ABTB1: variants seen among roughly 807,000 people sequenced by gnomAD.
ABTB1 encodes ankyrin repeat and BTB domain containing 1, also known as ankyrin repeat and BTB/POZ domain-containing protein 1.
In ABTB1, 45 loss-of-function variants were observed where a neutral mutation model predicts 57.1. The observed-to-expected ratio is 0.79, with a 90% CI of 0.62 to 1.01. ABTB1 has a LOEUF of 1.01. Ranked by LOEUF, ABTB1 falls within the 50% of genes least tolerant of loss-of-function variation. The probability of loss-of-function intolerance (pLI) is 0.00; values close to 1 mark genes in which losing one functional copy is unlikely to be tolerated. For missense variants in ABTB1, 630 were observed against 666.3 expected, an observed-to-expected ratio of 0.95 and a Z score of 0.60; for synonymous variants, 302 against 275.4, an observed-to-expected ratio of 1.10 and a Z score of -0.95.
Position 127,674,550 on chromosome 3 carries a change from A to G in ABTB1, c.125A>G (p.Tyr42Cys). The change falls in exon 3 of 12, where the codon TAT becomes TGT. Residue 42 changes from tyrosine (Y) to cysteine (C), a missense_variant. Around this residue, in one of 3 missense-constraint regions of ABTB1, gnomAD observed 579 missense variants for 585.9 expected, o/e 0.99. Transcript: ENST00000232744. Reference protein sequence around the residue: ...RDKWDSTPLYYACLCGHEELV... With the variant: ...RDKWDSTPLYCACLCGHEELV... ...TACTTCCTTCCTCCCTTCAGGTACT[A>G]TGCCTGCTTGTGTGGGCACGAGGAG... 2 of 1,614,064 alleles carry G rather than the reference A, an allele frequency of 1.2e-6. No individual in the cohort carries two copies. Among genetic ancestry groups the G allele is most frequent in the Non-Finnish European group, 1.7e-6 (2 of 1,180,000 alleles).
At position 127,680,346 on chromosome 3, in the gene ABTB1, T is replaced by G. The variant is rs1166412416; in HGVS notation, c.1308T>G (p.Ser436=). Residue 436 remains serine (S), a synonymous_variant, in exon 12 of 12, where the codon TCT becomes TCG. Transcript: ENST00000232744. ...AAVAARQETD[S]IPLVDDIRFH... ...TGGCAGCCCGGCAGGAGACGGACTC[T>G]ATCCCGCTGGTGGACGACATCCGCT... 9 of 1,609,714 alleles carry G rather than the reference T, an allele frequency of 5.6e-6. No homozygotes were observed. The highest frequency in any genetic ancestry group is 7.6e-6 in the Non-Finnish European group (9 of 1,178,426).
chr3:127,674,656 T>C (rs1299393776), intron 3 of ABTB1, 56 bp downstream of exon 3: 2 of 1,594,178 alleles, frequency 1.3e-6, no homozygotes, highest in Admixed American at 1.7e-5. Context: ...TGTGTGCGTG[T>C]GGGTGCATGC....
At chr3:127,675,733 T>TCG in intron 3 of ABTB1, 1 of 580,402 alleles carries the variant, frequency 1.7e-6, no homozygotes. Context: ...CTCTCCGTTC[T>TCG]GTGTTGTCTG....
intron 3 of ABTB1, among the ~76,000 whole-genome samples, 183 bp downstream of exon 3, chr3:127,674,783 C>G (rs543000507): frequency 6.6e-6 from 1 of 152,246 alleles, no homozygotes; most frequent in Non-Finnish European, 1.5e-5. Flanking sequence ...TTTTCTCTGT[C>G]CACCTTGCCC....
chr3:127,680,611 C>T lies in ABTB1; in HGVS notation c.*136C>T. ...GGGTGCGAGGGGCTCAGTGGGGCTT[C>T]TCTTCCCTCCATGAGCCTGGAGACC... On this transcript the variant is annotated 3_prime_UTR_variant, in exon 12 of 12. Coordinates refer to ENST00000232744, the MANE Select transcript of ABTB1 (RefSeq NM_172027.3). 1.8e-6 allele frequency: 2 copies of T among 1,097,718 alleles called. No individual in the cohort carries two copies. Among genetic ancestry groups the T allele is most frequent in the Non-Finnish European group, 2.7e-6 (2 of 729,540 alleles). 68.0% of individuals were successfully genotyped at this position (1,097,718 alleles called of 1,614,324 possible).
At position 127,677,811 on chromosome 3, in the gene ABTB1, G is replaced by C; in HGVS notation, c.997G>C (p.Val333Leu). ...CATCTCACCCGACGTCTTCACTCAC[G>C]TGCTCTACTACATGTACAGCGACCA... is the stretch of plus-strand genomic sequence containing the variant. ...HGISPDVFTH[V>L]LYYMYSDHTE... Residue 333 changes from valine to leucine, a missense_variant, in exon 10 of 12, where the codon GTG (valine) becomes CTG (leucine). Val to Leu is a conservative substitution (Grantham distance 32). Transcript: ENST00000232744. The C allele has an allele frequency of 1.2e-6, 2 of 1,612,568 alleles. No individual in the cohort carries two copies. The highest frequency in any genetic ancestry group is 1.3e-5 in the African/African-American group (1 of 75,024).
intron 10 of ABTB1, chr3:127,679,113 G>A (rs537154140): frequency 3.7e-5 from 6 of 164,340 alleles, no homozygotes; most frequent in Middle Eastern, 2.9e-3. Context: ...AAGGAGCCTC[G>A]CCACCCAAAG....
intron 3 of ABTB1, 138 bp downstream of exon 3, chr3:127,674,738 G>T (rs2074938246): frequency 9.7e-7 from 1 of 1,034,652 alleles, no homozygotes; most frequent in Non-Finnish European, 1.5e-6. Context: ...CCACCCAGTC[G>T]AATCAGCAAG....
Position 127,676,361 on chromosome 3 carries a change from G to T in ABTB1, c.410G>T (p.Ser137Ile). ...CATCGCTGCGTCCTGGGTGCACGTA[G>T]TGCCTACTTTGCCAACATGCTGGAC... The part of the protein sequence containing the change: ...RVHRCVLGAR[S>I]AYFANMLDTK... Residue 137 changes from serine (S) to isoleucine (I), a missense_variant, in exon 5 of 12, where the codon AGT becomes ATT. Physicochemically the swap from Ser to Ile is moderately radical, Grantham distance 142. Coordinates refer to ENST00000232744, the MANE Select transcript of ABTB1 (RefSeq NM_172027.3). This position sits in a 1 kb window ranked among gnomAD's most constrained non-coding sequence, Gnocchi z 5.4. The T allele has an allele frequency of 6.2e-7, 1 of 1,614,192 alleles. No individual in the cohort carries two copies. Among genetic ancestry groups the T allele is most frequent in the South Asian group, 1.1e-5 (1 of 91,090 alleles).
In ABTB1 at chr3:127,680,612, T is replaced by C; in HGVS notation, c.*137T>C. 1 of 1,095,608 alleles carries C rather than the reference T, an allele frequency of 9.1e-7. No individual in the cohort carries two copies. Among genetic ancestry groups the C allele is most frequent in the Non-Finnish European group, 1.4e-6 (1 of 727,610 alleles). The allele number at this position is 1,095,608 out of a possible 1,614,324, so 67.9% of individuals were successfully genotyped here. A position where few individuals can be genotyped will look rare whatever the true frequency, so the allele number is the denominator to read the frequency against. On this transcript the variant is annotated 3_prime_UTR_variant, in exon 12 of 12. Transcript: ENST00000232744. ...GGTGCGAGGGGCTCAGTGGGGCTTCTCTTCCCTCCATGAGCCTGGAGACCC... is the reference window on the plus strand; with the variant it reads ...GGTGCGAGGGGCTCAGTGGGGCTTCCCTTCCCTCCATGAGCCTGGAGACCC...
chr3:127,676,459 C>CATG lies in ABTB1; in HGVS notation c.480+30_480+32dup, dbSNP rs2074986352. 2 of 1,613,868 alleles carry CATG rather than the reference C, an allele frequency of 1.2e-6. No homozygotes were observed. Among genetic ancestry groups the CATG allele is most frequent in the Non-Finnish European group, 1.7e-6 (2 of 1,179,940 alleles). On this transcript the variant is annotated intron_variant, in intron 5 of 11. Coordinates refer to ENST00000232744, the MANE Select transcript of ABTB1 (RefSeq NM_172027.3). The surrounding 1 kb of genome is among the most constrained non-coding windows in gnomAD (Gnocchi z 5.4). The stretch of plus-strand genomic sequence containing the variant: ...ATGTCCCTTCAGGGTGGCAGAGGGG[C>CATG]ATGAACTGTCCAGGAACAGCAGGAG...
At chr3:127,674,687 G>A in intron 3 of ABTB1, 87 bp downstream of exon 3, 2 of 1,493,082 alleles carry the variant, frequency 1.3e-6, no homozygotes, top group East Asian at 2.3e-5. Flanking sequence ...GCATTCAAAG[G>A]CCTTGATACA....
At position 127,677,451 on chromosome 3, in the gene ABTB1, C is replaced by A; in HGVS notation, c.763-14C>A. On this transcript the variant is annotated splice_polypyrimidine_tract_variant and intron_variant, in intron 8 of 11. Coordinates refer to ENST00000232744, the MANE Select transcript of ABTB1 (RefSeq NM_172027.3). ...AACAACTGCTCTGATGGGGTCACCT[C>A]TTCTGTACCCCAGGGTGATCTTTGG... The A allele has an allele frequency of 3.1e-6, 5 of 1,613,574 alleles. No homozygotes were observed. Among genetic ancestry groups the A allele is most frequent in the Non-Finnish European group, 4.2e-6 (5 of 1,179,556 alleles).
At chr3:127,678,638 C>T (rs1403769730) in intron 10 of ABTB1, 1 of 152,276 alleles carries the variant, frequency 6.6e-6, no homozygotes, top group African/African-American at 2.4e-5. Context: ...CTTGCACAAA[C>T]AGGCTGGATT....
rs755880704 is a variant in ABTB1, at chr3:127,680,087, G to T, written c.1132G>T (p.Glu378Ter). 6.2e-7 allele frequency: 1 copy of T among 1,613,786 alleles called. No individual in the cohort carries two copies. The highest frequency in any genetic ancestry group is 8.5e-7 in the Non-Finnish European group (1 of 1,180,042). The change falls in exon 11 of 12, where the codon GAG becomes TAG. Residue 378 changes from glutamate to a stop codon, truncating the protein, a stop_gained. Coordinates refer to ENST00000232744, the MANE Select transcript of ABTB1 (RefSeq NM_172027.3). LOFTEE classifies it high-confidence loss of function. ...CGRSLAQMLDEDTVVGVWRVA... is the reference protein window; with the variant it reads ...CGRSLAQMLD ...CCGCAGCCTGGCTCAGATGCTAGACGAGGACACTGTGGTGGGTGTGTGGCG... is the reference window on the plus strand; with the variant it reads ...CCGCAGCCTGGCTCAGATGCTAGACTAGGACACTGTGGTGGGTGTGTGGCG...
rs755913896 is a variant in ABTB1 at position 127,672,991 on chromosome 3, C to T, written c.-35C>T. The stretch of plus-strand genomic sequence containing the variant: ...CCGCCGGGTGCGCGGCTTCGCCGCC[C>T]GAGGTCGTTCGGCTCGGGTACCATC... On this transcript the variant is annotated 5_prime_UTR_variant, in exon 1 of 12. Transcript: ENST00000232744. 13 of 1,533,992 alleles carry T rather than the reference C, an allele frequency of 8.5e-6. No individual in the cohort carries two copies. The highest frequency in any genetic ancestry group is 4.3e-5 in the African/African-American group (3 of 70,552).
Position 127,676,577 on chromosome 3 carries a change from C to T in ABTB1, c.522C>T (p.Tyr174=), listed in dbSNP as rs1310969229. Residue 174 remains tyrosine (Y), a synonymous_variant, in exon 6 of 12, where the codon TAC becomes TAT. Coordinates refer to ENST00000232744, the MANE Select transcript of ABTB1 (RefSeq NM_172027.3). The surrounding 1 kb of genome is among the most constrained non-coding windows in gnomAD (Gnocchi z 5.4). ...VAFGALLQYL[Y]TGRLDIGVEH... ...TTGGGGCCCTGCTGCAGTACCTGTACACAGGTGACCCCCTGGGTCCAGGGT... is the reference window on the plus strand; with the variant it reads ...TTGGGGCCCTGCTGCAGTACCTGTATACAGGTGACCCCCTGGGTCCAGGGT... 6.2e-7 allele frequency: 1 copy of T among 1,613,836 alleles called. No individual in the cohort carries two copies. Among genetic ancestry groups the T allele is most frequent in the Admixed American group, 1.7e-5 (1 of 60,028 alleles).
At chr3:127,673,107 G>T (rs1433570452) in intron 1 of ABTB1, 26 bp downstream of exon 1, 1 of 1,516,482 alleles carries the variant, frequency 6.6e-7, no homozygotes, top group South Asian at 1.2e-5. Context: ...TCCCGGGGAG[G>T]GTGCGGGAGG....
chr3:127,678,067 C>T (rs540607521), intron 10 of ABTB1: 9 of 447,956 alleles, frequency 2.0e-5, no homozygotes, highest in South Asian at 1.3e-4. Context: ...GTGTCACAGA[C>T]ACTCCACACT....
Sources: allele counts gnomAD v4.1 joint callset (sites outside exome capture counted in the v4.1 genomes callset), GRCh38; gene constraint gnomAD v4.1.1; regional missense constraint gnomAD v4.1.1; non-coding constraint Gnocchi (gnomAD v3.1); transcripts MANE v1.5; gene names NCBI Gene and HGNC (gene_info 2026-07-23, HGNC 2026-07-21).